PRKCZ: variants seen among roughly 807,000 people sequenced by gnomAD.
The protein encoded by PRKCZ is protein kinase C zeta type.
A neutral mutation model predicts 79.5 loss-of-function variants in PRKCZ; 33 were observed. The observed-to-expected ratio is 0.41, with a 90% CI of 0.31 to 0.55. The LOEUF (loss-of-function observed/expected upper bound fraction) is 0.55, where lower values mean the gene tolerates loss of function less well. PRKCZ is among the 20% of genes least tolerant of loss of function. The pLI is 0.19. For missense variants in PRKCZ, 578 were observed against 813.5 expected, an observed-to-expected ratio of 0.71 and a Z score of 3.52; for synonymous variants, 342 against 320.9, an observed-to-expected ratio of 1.07 and a Z score of -0.70.
intron 4 of PRKCZ, among the ~76,000 whole-genome samples, chr1:2,099,138 G>T (rs1667032053): frequency 6.6e-6 from 1 of 152,164 alleles, no homozygotes; most frequent in African/African-American, 2.4e-5. Context: ...GTTGGAGAAG[G>T]AGCCACACAG....
chr1:2,182,783 CACCT>C (rs1686868593), intron 16 of PRKCZ: 1 of 154,474 alleles, frequency 6.5e-6, no homozygotes, highest in Non-Finnish European at 1.5e-5. Context: ...CAGGAGCACA[CACCT>C]AAGGGGCGGG....
intron 4 of PRKCZ, among the ~76,000 whole-genome samples, chr1:2,099,163 G>T (rs1044846316): frequency 2.0e-5 from 3 of 152,146 alleles, no homozygotes; most frequent in Non-Finnish European, 4.4e-5. Flanking sequence ...GTGGGACCCG[G>T]CACTCCTTCA....
At chr1:2,095,646 G>C (rs978990623) in intron 4 of PRKCZ, among the ~76,000 whole-genome samples, 2 of 151,816 alleles carry the variant, frequency 1.3e-5, no homozygotes, top group Non-Finnish European at 2.9e-5. Context: ...CCTGTCTCCC[G>C]CAGCCTGGCA....
At chr1:2,053,672 GGCA>G (rs1659899110) in intron 1 of PRKCZ, among the ~76,000 whole-genome samples, 1 of 152,224 alleles carries the variant, frequency 6.6e-6, no homozygotes, top group African/African-American at 2.4e-5. Flanking sequence ...TTCCACTGGA[GGCA>G]GGACTGTAGG....
intron 16 of PRKCZ, among the ~76,000 whole-genome samples, chr1:2,179,135 C>T (rs1157136808): frequency 2.6e-5 from 4 of 152,364 alleles, no homozygotes; most frequent in Admixed American, 1.3e-4. Flanking sequence ...CTTGCCCCTG[C>T]ACTGGGAGGT....
At chr1:2,179,792 T>C (rs903958866) in intron 16 of PRKCZ, among the ~76,000 whole-genome samples, 1 of 151,900 alleles carries the variant, frequency 6.6e-6, no homozygotes, top group Non-Finnish European at 1.5e-5. Context: ...TAATGCTTCG[T>C]GTGGTGGGAG....
chr1:2,055,585 C>G (rs746725739), intron 2 of PRKCZ, 23 bp downstream of exon 2: 3 of 1,606,212 alleles, frequency 1.9e-6, no homozygotes, highest in Non-Finnish European at 2.6e-6. Context: ...CCATGTTGGC[C>G]AGAATCCTCA....
chr1:2,123,868 G>T, intron 4 of PRKCZ, among the ~76,000 whole-genome samples: 1 of 8,946 alleles, frequency 1.1e-4, no homozygotes, highest in African/African-American at 7.8e-4. Context: ...TTAGGGTCAC[G>T]GTGGCGGTTA....
At chr1:2,152,359 C>G (rs968755083) in intron 9 of PRKCZ, among the ~76,000 whole-genome samples, 4 of 151,870 alleles carry the variant, frequency 2.6e-5, no homozygotes, top group Non-Finnish European at 4.4e-5. Context: ...ATGGTGAAAC[C>G]CCAACTCTAC....
chr1:2,084,775 C>T (rs951728759), intron 4 of PRKCZ, among the ~76,000 whole-genome samples: 5 of 152,122 alleles, frequency 3.3e-5, no homozygotes, highest in South Asian at 2.1e-4. Context: ...GAGGCCTAGC[C>T]AGGTGGATCG....
rs755787591 is a variant in PRKCZ at position 2,148,881 on chromosome 1, T to C, written c.644T>C (p.Ile215Thr). The change falls in exon 8 of 18, where the codon ATT becomes ACT. Residue 215 changes from isoleucine to threonine, a missense_variant. Around this residue, in one of 4 missense-constraint regions of PRKCZ, gnomAD observed 91 missense variants for 97.5 expected, o/e 0.93. Transcript: ENST00000378567. ...PSEETDGIAY[I>T]SSSRKHDSIK... ...CTCCCTCTCTCACCAGTTGCTTACA[T>C]TTCCTCATCCCGGAAGCATGACAGC... is the stretch of plus-strand genomic sequence containing the variant. The C allele has an allele frequency of 3.1e-6, 5 of 1,613,756 alleles. No individual in the cohort carries two copies. The highest frequency in any genetic ancestry group is 4.2e-6 in the Non-Finnish European group (5 of 1,179,856).
chr1:2,132,374 G>T (rs1675157990), intron 4 of PRKCZ, among the ~76,000 whole-genome samples: 1 of 152,250 alleles, frequency 6.6e-6, no homozygotes, highest in South Asian at 2.1e-4. Flanking sequence ...TCTGAGCTTT[G>T]ACGGAGCAGC....
chr1:2,063,212 A>G (rs1194268943), intron 4 of PRKCZ, among the ~76,000 whole-genome samples: 1 of 152,222 alleles, frequency 6.6e-6, no homozygotes, highest in Non-Finnish European at 1.5e-5. Flanking sequence ...GTCGTGAATG[A>G]TGCTGCTGTG....
intron 9 of PRKCZ, among the ~76,000 whole-genome samples, chr1:2,153,216 G>A (rs1351253841): frequency 3.3e-5 from 5 of 152,252 alleles, no homozygotes; most frequent in African/African-American, 9.6e-5. Flanking sequence ...GACTGACAGT[G>A]TTCAGCATCT....
upstream of PRKCZ, chr1:2,050,005 G>C (rs1048065193): frequency 6.6e-6 from 1 of 152,290 alleles, no homozygotes; most frequent in Non-Finnish European, 1.5e-5. Flanking sequence ...GCTTCAGTCC[G>C]CAAGTGTGAG....
At chr1:2,102,538 T>A (rs1215914966) in intron 4 of PRKCZ, among the ~76,000 whole-genome samples, 4 of 151,980 alleles carry the variant, frequency 2.6e-5, no homozygotes, top group Admixed American at 2.6e-4. Flanking sequence ...TTCACTGTGT[T>A]AGCCGGGATG....
intron 11 of PRKCZ, among the ~76,000 whole-genome samples, chr1:2,171,106 G>A (rs966989211): frequency 5.3e-5 from 8 of 152,066 alleles, no homozygotes; most frequent in Non-Finnish European, 1.0e-4. Flanking sequence ...CAAGGCGGGC[G>A]GATCACGAGG....
intron 4 of PRKCZ, among the ~76,000 whole-genome samples, chr1:2,120,846 T>G (rs1407631624): frequency 6.6e-6 from 1 of 150,508 alleles, no homozygotes; most frequent in Non-Finnish European, 1.5e-5. Flanking sequence ...ATTCTTTTTT[T>G]TTTTTTTTTT....
Position 2,094,187 on chromosome 1 carries a change from C to A in PRKCZ, c.334+34596C>A, listed in dbSNP as rs567190086. On this transcript the variant is annotated intron_variant, in intron 4 of 17. Coordinates refer to ENST00000378567, the MANE Select transcript of PRKCZ (RefSeq NM_002744.6). The surrounding 1 kb of genome is among the most constrained non-coding windows in gnomAD (Gnocchi z 7.3). ...TCCCCCGTCCCGGGAGCAGCCCCCC[C>A]ACTTCCACCTGTCTTGGACGGGAGC... 2.0e-4 allele frequency among the ~76,000 whole-genome samples: 31 copies of A among 152,262 alleles called. No individual in the cohort carries two copies. In the South Asian group the frequency reaches 4.3e-3, roughly 21 times the overall value.
Sources: gnomAD v4.1 joint callset for allele counts (sites outside exome capture counted in the v4.1 genomes callset) on GRCh38, gnomAD v4.1.1 for gene constraint, gnomAD v4.1.1 regional missense constraint, Gnocchi (gnomAD v3.1) non-coding constraint, MANE v1.5 for transcripts, NCBI Gene and HGNC (gene_info 2026-07-23, HGNC 2026-07-21) for gene names.